Variants in CSMD1 observed in about 807,000 individuals in gnomAD.
CSMD1 encodes CUB and Sushi multiple domains 1, also known as CUB and sushi domain-containing protein 1.
A neutral mutation model predicts 417.5 loss-of-function variants in CSMD1; 213 were observed. The observed-to-expected ratio is 0.51, with a 90% CI of 0.46 to 0.57. The LOEUF (loss-of-function observed/expected upper bound fraction) is 0.57. Among genes scored for constraint, CSMD1 ranks in the 20% least tolerant of loss-of-function variants. The pLI is 0.00. For synonymous variants in CSMD1, 2,862 were observed against 1,736.8 expected, an observed-to-expected ratio of 1.65 and a Z score of -16.11; for missense variants, 6,923 against 4,529.7, an observed-to-expected ratio of 1.53 and a Z score of -15.17.
At chr8:3,037,184 A>C (rs896211347) in intron 50 of CSMD1, among the ~76,000 whole-genome samples, 2 of 151,816 alleles carry the variant, frequency 1.3e-5, no homozygotes, top group African/African-American at 4.8e-5. Flanking sequence ...GCAGTATTTC[A>C]TAGTGCATAT....
intron 1 of CSMD1, among the ~76,000 whole-genome samples, chr8:4,847,774 G>A (rs1030771525): frequency 2.8e-5 from 4 of 142,134 alleles, no homozygotes; most frequent in East Asian, 2.0e-4. Context: ...CCTCTCTATC[G>A]GGATTTTTTT....
Position 4,399,866 on chromosome 8 carries a change from G to T in CSMD1, c.415+20087C>A, listed in dbSNP as rs1436314456. Reference sequence around the variant, plus strand: ...GTGAGAGAAAGATCCCAGATTAAAAGTGTACCAAAGTAGTAAATATCATCA... The same window carrying T: ...GTGAGAGAAAGATCCCAGATTAAAATTGTACCAAAGTAGTAAATATCATCA... On this transcript the variant is annotated intron_variant, in intron 3 of 69. Coordinates refer to ENST00000635120, the MANE Select transcript of CSMD1 (RefSeq NM_033225.6). 3.3e-5 allele frequency among the ~76,000 whole-genome samples: 5 copies of T among 152,294 alleles called. No individual in the cohort carries two copies. In the East Asian group the frequency reaches 9.7e-4, roughly 29 times the overall value.
At chr8:4,297,346 A>T (rs1481456075) in intron 3 of CSMD1, among the ~76,000 whole-genome samples, 1 of 152,136 alleles carries the variant, frequency 6.6e-6, no homozygotes, top group Non-Finnish European at 1.5e-5. Context: ...AAAAAAACAA[A>T]ACAAAACAAA....
chr8:3,882,510 G>C (rs542040580), intron 5 of CSMD1, among the ~76,000 whole-genome samples: 1 of 152,172 alleles, frequency 6.6e-6, no homozygotes, highest in Non-Finnish European at 1.5e-5. Flanking sequence ...CTCTGCCTCG[G>C]TTGAGCACAT....
intron 1 of CSMD1, among the ~76,000 whole-genome samples, chr8:4,699,370 A>G (rs1563167775): frequency 6.6e-6 from 1 of 152,190 alleles, no homozygotes; most frequent in African/African-American, 2.4e-5. Context: ...ATCTGAGAGT[A>G]CCCACAACTC....
At chr8:3,871,502 T>C (rs1432527909) in intron 5 of CSMD1, among the ~76,000 whole-genome samples, 1 of 152,196 alleles carries the variant, frequency 6.6e-6, no homozygotes, top group African/African-American at 2.4e-5. Context: ...TTAATAAACA[T>C]TTGTATCTCC....
chr8:4,455,536 G>A (rs1026629835), intron 2 of CSMD1, among the ~76,000 whole-genome samples: 2 of 152,048 alleles, frequency 1.3e-5, no homozygotes, highest in Non-Finnish European at 2.9e-5. Context: ...AACACATCAT[G>A]GGCCTCACTT....
intron 3 of CSMD1, among the ~76,000 whole-genome samples, chr8:4,369,504 C>G (rs113475638): frequency 6.6e-6 from 1 of 152,072 alleles, no homozygotes; most frequent in Admixed American, 6.6e-5. Context: ...TGTTAGTTTT[C>G]TGCCACAATG....
chr8:3,257,501 T>C (rs1272177682), intron 26 of CSMD1, among the ~76,000 whole-genome samples: 2 of 151,980 alleles, frequency 1.3e-5, no homozygotes, highest in African/African-American at 4.8e-5. Context: ...ACAGTGACAG[T>C]GCGTTGGGAT....
intron 12 of CSMD1, among the ~76,000 whole-genome samples, chr8:3,444,339 A>C (rs2117074983): frequency 6.6e-6 from 1 of 152,342 alleles, no homozygotes; most frequent in African/African-American, 2.4e-5. Context: ...CTAAAAGGCA[A>C]AATTAGCACA....
At position 3,408,212 on chromosome 8, in the gene CSMD1, G is replaced by A. The variant is rs1812469307; in HGVS notation, c.1758C>T (p.Phe586=). The part of the protein sequence containing the change: ...NKPSCVFSCF[F]NFTASSGIIL... ...TAATCCCAGATGATGCCGTAAAGTT[G>A]AAGAAACATGAAACTGTGAAGATGC... Residue 586 remains phenylalanine, a synonymous_variant, in exon 14 of 70, where the codon TTC becomes TTT. Transcript: ENST00000635120. The A allele has an allele frequency of 3.7e-6, 6 of 1,600,130 alleles. No individual in the cohort carries two copies. The highest frequency in any genetic ancestry group is 5.1e-6 in the Non-Finnish European group (6 of 1,171,492).
intron 3 of CSMD1, among the ~76,000 whole-genome samples, chr8:4,164,197 G>T (rs1315139452): frequency 2.2e-5 from 2 of 91,170 alleles, no homozygotes; most frequent in East Asian, 5.3e-4. Flanking sequence ...AGGATTTTTG[G>T]AAGAAAAAAA....
At chr8:3,250,355 A>C (rs1022657297) in intron 26 of CSMD1, among the ~76,000 whole-genome samples, 1 of 152,198 alleles carries the variant, frequency 6.6e-6, no homozygotes. Flanking sequence ...GATGGTTTCC[A>C]GCTTCATCCC....
intron 26 of CSMD1, among the ~76,000 whole-genome samples, chr8:3,250,225 C>G (rs1765548111): frequency 6.6e-6 from 1 of 152,142 alleles, no homozygotes; most frequent in African/African-American, 2.4e-5. Context: ...CACCCCACAA[C>G]AGGCCCCAGT....
chr8:3,559,041 T>G (rs139993890), intron 10 of CSMD1, among the ~76,000 whole-genome samples: 118 of 152,284 alleles, frequency 7.7e-4, no homozygotes, highest in African/African-American at 2.6e-3. Context: ...ATTGGTGACA[T>G]GTAAAGGACC....
At chr8:3,951,033 T>C (rs181905185) in intron 5 of CSMD1, among the ~76,000 whole-genome samples, 92 of 152,334 alleles carry the variant, frequency 6.0e-4, no homozygotes, top group Non-Finnish European at 1.1e-3. Context: ...AAAGTCACTT[T>C]AGTGAGATTT....
At chr8:4,628,082 T>A (rs1300959305) in intron 2 of CSMD1, among the ~76,000 whole-genome samples, 1 of 150,618 alleles carries the variant, frequency 6.6e-6, no homozygotes, top group African/African-American at 2.4e-5. Flanking sequence ...AGCATATACA[T>A]ACACATATAT....
At chr8:4,494,923 A>C (rs909609447) in intron 2 of CSMD1, among the ~76,000 whole-genome samples, 1 of 152,220 alleles carries the variant, frequency 6.6e-6, no homozygotes, top group African/African-American at 2.4e-5. Context: ...AGAAGAAAAA[A>C]TACGCAGTGA....
intron 22 of CSMD1, among the ~76,000 whole-genome samples, chr8:3,343,966 C>T (rs934754336): frequency 6.6e-6 from 1 of 152,144 alleles, no homozygotes; most frequent in Non-Finnish European, 1.5e-5. Flanking sequence ...CCTCCGGTGG[C>T]TTTCATCTTG....
Sources: gnomAD v4.1 joint callset for allele counts (sites outside exome capture counted in the v4.1 genomes callset) on GRCh38, gnomAD v4.1.1 for gene constraint, MANE v1.5 for transcripts, NCBI Gene and HGNC (gene_info 2026-07-23, HGNC 2026-07-21) for gene names.